DIS3L2: variants seen among roughly 807,000 people sequenced by gnomAD.
DIS3L2 encodes DIS3-like exonuclease 2.
DIS3L2 carries 34 observed loss-of-function variants against 97.5 expected under a neutral mutation model. That is an observed-to-expected ratio of 0.35 (90% CI 0.27 to 0.46). The LOEUF (loss-of-function observed/expected upper bound fraction) is 0.46. DIS3L2 is among the 20% of genes least tolerant of loss of function. The pLI is 1.00. For synonymous variants in DIS3L2, 435 were observed against 445.2 expected, an observed-to-expected ratio of 0.98 and a Z score of 0.29; for missense variants, 1,038 against 1,146.0, an observed-to-expected ratio of 0.91 and a Z score of 1.36.
intron 1 of DIS3L2, among the ~76,000 whole-genome samples, chr2:232,006,399 GGTA>G (rs1434549341): frequency 6.6e-6 from 1 of 152,106 alleles, no homozygotes; most frequent in African/African-American, 2.4e-5. Flanking sequence ...TCATTTTGAA[GGTA>G]GAATAGACAG....
At chr2:232,238,773 C>CTGAGGCCACTCTGGGA in intron 11 of DIS3L2, 128 bp downstream of exon 11, 1 of 786,134 alleles carries the variant, frequency 1.3e-6, no homozygotes, top group Non-Finnish European at 2.0e-6. Context: ...AGGTGTTCAT[C>CTGAGGCCACTCTGGGA]TGAGGCCTCA....
downstream of DIS3L2, among the ~76,000 whole-genome samples, chr2:232,337,591 C>T (rs1296551076): frequency 6.6e-6 from 1 of 152,136 alleles, no homozygotes; most frequent in African/African-American, 2.4e-5. Flanking sequence ...AGCCTGACCC[C>T]AGCCTGTACT....
At chr2:232,147,906 A>T (rs1690261727) in intron 8 of DIS3L2, among the ~76,000 whole-genome samples, 1 of 151,988 alleles carries the variant, frequency 6.6e-6, no homozygotes, top group Non-Finnish European at 1.5e-5. Flanking sequence ...GACTAAGTAG[A>T]CAGGATAGGA....
In DIS3L2 at chr2:232,253,267, G is replaced by A. The variant is rs769094115; in HGVS notation, c.1425+3921G>A. Among the ~76,000 whole-genome samples the A allele has an allele frequency of 5.3e-5, 8 of 152,208 alleles. No individual in the cohort carries two copies. The East Asian group carries it at 7.7e-4, about 15-fold the overall frequency. On this transcript the variant is annotated intron_variant, in intron 12 of 20. Transcript: ENST00000325385. Reference sequence around the variant, plus strand: ...TGCAATAGCCACAGGTGTGCTTGTCGGATTTGCACCAAGGCAGCCACTTTA... The same window carrying A: ...TGCAATAGCCACAGGTGTGCTTGTCAGATTTGCACCAAGGCAGCCACTTTA...
At chr2:232,252,159 G>C (rs1421617828) in intron 12 of DIS3L2, among the ~76,000 whole-genome samples, 2 of 152,218 alleles carry the variant, frequency 1.3e-5, no homozygotes, top group African/African-American at 4.8e-5. Context: ...TGTTATCCTA[G>C]CACTTTGGCA....
intron 11 of DIS3L2, among the ~76,000 whole-genome samples, chr2:232,247,616 C>CGAG (rs1693289516): frequency 6.1e-4 from 4 of 6,522 alleles, no homozygotes; most frequent in African/African-American, 1.2e-3. Context: ...ATAACTGCCG[C>CGAG]GGGGGGGGGG....
intron 10 of DIS3L2, among the ~76,000 whole-genome samples, chr2:232,225,239 T>C (rs1285495787): frequency 6.6e-6 from 1 of 152,198 alleles, no homozygotes; most frequent in Non-Finnish European, 1.5e-5. Context: ...GTTTTAGTCT[T>C]AAGTATATAC....
chr2:232,342,184 TATACATATATACAC>T (rs1355955238), downstream of DIS3L2, among the ~76,000 whole-genome samples: 223 of 149,048 alleles, frequency 1.5e-3, no homozygotes, highest in African/African-American at 5.2e-3. Flanking sequence ...TATATACACG[TATACATATATACAC>T]ATACATATAT....
At chr2:231,991,986 TG>T (rs1454412218) in intron 1 of DIS3L2, among the ~76,000 whole-genome samples, 1 of 152,174 alleles carries the variant, frequency 6.6e-6, no homozygotes, top group East Asian at 1.9e-4. Flanking sequence ...TGCTAAATGA[TG>T]AAATTGTTAA....
chr2:232,211,955 T>A (rs1224729811), intron 10 of DIS3L2, among the ~76,000 whole-genome samples: 1 of 152,152 alleles, frequency 6.6e-6, no homozygotes, highest in Non-Finnish European at 1.5e-5. Flanking sequence ...GCTCAAGCAG[T>A]CTTCCTGCCT....
intron 6 of DIS3L2, among the ~76,000 whole-genome samples, chr2:232,109,471 A>T (rs1272780279): frequency 6.6e-6 from 1 of 152,064 alleles, no homozygotes; most frequent in Non-Finnish European, 1.5e-5. Flanking sequence ...ATAAAAAAAA[A>T]TAAAAATAAA....
At position 232,269,741 on chromosome 2, in the gene DIS3L2, G is replaced by T. The variant is rs971987771; in HGVS notation, c.1659+6301G>T. Reference sequence around the variant, plus strand: ...GAAATGGCAGATTGTTCCAGGGTGTGTGGTGTAGGGTGCAGAGAGAGAGAG... The same window carrying T: ...GAAATGGCAGATTGTTCCAGGGTGTTTGGTGTAGGGTGCAGAGAGAGAGAG... On this transcript the variant is annotated intron_variant, in intron 13 of 20. Coordinates refer to ENST00000325385, the MANE Select transcript of DIS3L2 (RefSeq NM_152383.5). The surrounding 1 kb of genome is among the most constrained non-coding windows in gnomAD (Gnocchi z 4.5). 4.3e-5 allele frequency among the ~76,000 whole-genome samples: 5 copies of T among 117,524 alleles called. No individual in the cohort carries two copies. Among genetic ancestry groups the T allele is most frequent in the Non-Finnish European group, 6.5e-5 (4 of 61,984 alleles). 77.1% of individuals were successfully genotyped at this position (117,524 alleles called of 152,430 possible). A position where few individuals can be genotyped will look rare whatever the true frequency, so the allele number is the denominator to read the frequency against.
chr2:232,130,823 CAGAAAAGTT>C, intron 7 of DIS3L2, 104 bp downstream of exon 7: 1 of 1,367,506 alleles, frequency 7.3e-7, no homozygotes, highest in Non-Finnish European at 9.6e-7. Context: ...GTCATTTAAT[CAGAAAAGTT>C]AGAGCAGAGA....
At chr2:232,243,583 G>A (rs1174681789) in intron 11 of DIS3L2, among the ~76,000 whole-genome samples, 1 of 152,284 alleles carries the variant, frequency 6.6e-6, no homozygotes, top group East Asian at 1.9e-4. Flanking sequence ...GTTTACCAAT[G>A]TGGTAATGTC....
intron 14 of DIS3L2, among the ~76,000 whole-genome samples, chr2:232,315,748 C>A (rs1347122396): frequency 6.6e-6 from 1 of 152,148 alleles, no homozygotes; most frequent in Non-Finnish European, 1.5e-5. Context: ...GAAAAGATTT[C>A]GTAGAGTGAC....
intron 9 of DIS3L2, among the ~76,000 whole-genome samples, chr2:232,189,569 C>T (rs1041486862): frequency 6.6e-6 from 1 of 152,132 alleles, no homozygotes; most frequent in South Asian, 2.1e-4. Context: ...TCGTAGTTGC[C>T]AAGATTGAGG....
intron 13 of DIS3L2, among the ~76,000 whole-genome samples, chr2:232,277,866 G>C (rs1056921695): frequency 2.6e-5 from 4 of 152,186 alleles, no homozygotes; most frequent in Non-Finnish European, 4.4e-5. Flanking sequence ...GCATGTGACT[G>C]TGCTGAATAC....
chr2:232,098,456 C>T (rs926511291), intron 6 of DIS3L2, among the ~76,000 whole-genome samples: 6 of 150,524 alleles, frequency 4.0e-5, no homozygotes, highest in Non-Finnish European at 7.4e-5. Context: ...TGGGTTCAAA[C>T]GATTATCCTG....
chr2:231,978,322 A>C (rs1693154602), intron 1 of DIS3L2, among the ~76,000 whole-genome samples: 1 of 152,182 alleles, frequency 6.6e-6, no homozygotes, highest in South Asian at 2.1e-4. Flanking sequence ...TGTTTTCTTT[A>C]TACTTGAACC....
Sources: allele counts gnomAD v4.1 joint callset (sites outside exome capture counted in the v4.1 genomes callset), GRCh38; gene constraint gnomAD v4.1.1; non-coding constraint Gnocchi (gnomAD v3.1); transcripts MANE v1.5; gene names NCBI Gene and HGNC (gene_info 2026-07-23, HGNC 2026-07-21).